ATRNL1: variants seen among roughly 807,000 people sequenced by gnomAD.
ATRNL1 encodes the protein attractin-like protein 1.
A neutral mutation model predicts 182.7 loss-of-function variants in ATRNL1; 95 were observed. That is an observed-to-expected ratio of 0.52 (90% CI 0.44 to 0.62). ATRNL1 has a LOEUF of 0.62. Ranked by LOEUF, ATRNL1 falls within the 20% of genes least tolerant of loss-of-function variation. The pLI is 0.00. For missense variants in ATRNL1, 1,471 were observed against 1,679.5 expected (o/e 0.88, Z 2.17); for synonymous variants, 576 against 568.3 (o/e 1.01, Z -0.19).
At chr10:115,146,973 C>A (rs1457424564) in intron 5 of ATRNL1, among the ~76,000 whole-genome samples, 1 of 151,984 alleles carries the variant, frequency 6.6e-6, no homozygotes, top group African/African-American at 2.4e-5. Flanking sequence ...GATTTTGTCT[C>A]CTTTGGATAA....
intron 21 of ATRNL1, among the ~76,000 whole-genome samples, chr10:115,441,009 C>T (rs1846648645): frequency 6.6e-6 from 1 of 151,682 alleles, no homozygotes; most frequent in South Asian, 2.1e-4. Context: ...TTTTTACCAC[C>T]ACAATCACCA....
chr10:115,241,554 T>A lies in ATRNL1; in HGVS notation c.1533-17T>A, dbSNP rs550990327. ...CATTTTATCCTTTGTAATACATTTTTAAATTTTATTCTGTAGGACTATTTT... is the reference window on the plus strand; with the variant it reads ...CATTTTATCCTTTGTAATACATTTTAAAATTTTATTCTGTAGGACTATTTT... On this transcript the variant is annotated splice_polypyrimidine_tract_variant and intron_variant, in intron 9 of 28. Coordinates refer to ENST00000355044, the MANE Select transcript of ATRNL1 (RefSeq NM_207303.4). The A allele has an allele frequency of 2.6e-6, 4 of 1,562,804 alleles. No homozygotes were observed. The highest frequency in any genetic ancestry group is 1.2e-5 in the South Asian group (1 of 85,586).
chr10:115,590,722 C>CA (rs1855848481), intron 26 of ATRNL1, among the ~76,000 whole-genome samples: 1 of 152,112 alleles, frequency 6.6e-6, no homozygotes, highest in Non-Finnish European at 1.5e-5. Context: ...TCTGGCTCCC[C>CA]ACTCACCACA....
intron 19 of ATRNL1, among the ~76,000 whole-genome samples, chr10:115,349,050 ATCTTAT>A (rs1856108436): frequency 6.6e-6 from 1 of 152,132 alleles, no homozygotes; most frequent in Non-Finnish European, 1.5e-5. Flanking sequence ...GGAACACTAG[ATCTTAT>A]TCTTTCTTTC....
At chr10:115,669,152 G>GTCT (rs1945612799) in intron 26 of ATRNL1, among the ~76,000 whole-genome samples, 2 of 152,010 alleles carry the variant, frequency 1.3e-5, no homozygotes, top group Non-Finnish European at 2.9e-5. Flanking sequence ...CAAATTTAAA[G>GTCT]TGGTCCACTA....
chr10:115,360,600 G>T (rs1327893696), intron 19 of ATRNL1, among the ~76,000 whole-genome samples: 1 of 127,800 alleles, frequency 7.8e-6, no homozygotes, highest in Admixed American at 7.8e-5. Context: ...GTTTTTTAAA[G>T]CAAAAAAAAA....
chr10:115,509,405 T>G (rs934702349), intron 24 of ATRNL1, among the ~76,000 whole-genome samples: 5 of 152,048 alleles, frequency 3.3e-5, no homozygotes, highest in South Asian at 2.1e-4. Context: ...GGGAGGTGAT[T>G]GGATCATGGG....
intron 24 of ATRNL1, among the ~76,000 whole-genome samples, chr10:115,493,606 T>C (rs536533903): frequency 2.5e-4 from 38 of 152,306 alleles, no homozygotes; most frequent in African/African-American, 8.4e-4. Flanking sequence ...GGTAGAACGA[T>C]TTATATTCCT....
chr10:115,551,681 A>G (rs1488193964), intron 26 of ATRNL1, among the ~76,000 whole-genome samples: 3 of 151,550 alleles, frequency 2.0e-5, no homozygotes, highest in African/African-American at 7.2e-5. Context: ...TAATTTTACT[A>G]AATTCCTTTA....
At chr10:115,801,382 G>T (rs1949788792) in intron 27 of ATRNL1, among the ~76,000 whole-genome samples, 2 of 152,188 alleles carry the variant, frequency 1.3e-5, no homozygotes, top group Admixed American at 6.5e-5. Context: ...AGAGAGTAAA[G>T]ATCAGTGAGA....
intron 28 of ATRNL1, among the ~76,000 whole-genome samples, chr10:115,866,286 T>C (rs896408003): frequency 4.6e-5 from 7 of 152,148 alleles, no homozygotes; most frequent in Non-Finnish European, 1.0e-4. Flanking sequence ...GGGCTCCTAA[T>C]GCAAATGTCA....
chr10:115,219,860 G>A (rs1481110284), intron 9 of ATRNL1, among the ~76,000 whole-genome samples: 1 of 152,058 alleles, frequency 6.6e-6, no homozygotes, highest in African/African-American at 2.4e-5. Flanking sequence ...CCGAGATCGT[G>A]CCACTGTCCT....
intron 19 of ATRNL1, among the ~76,000 whole-genome samples, chr10:115,335,932 A>G (rs782069654): frequency 2.0e-5 from 3 of 152,180 alleles, no homozygotes; most frequent in Non-Finnish European, 4.4e-5. Context: ...TTGGGTGACA[A>G]ATAAAGATAG....
chr10:115,219,235 A>G (rs1414464235), intron 9 of ATRNL1, among the ~76,000 whole-genome samples: 1 of 150,688 alleles, frequency 6.6e-6, no homozygotes, highest in Non-Finnish European at 1.5e-5. Flanking sequence ...CCATCTCAAA[A>G]AAAAAAAAAA....
intron 24 of ATRNL1, among the ~76,000 whole-genome samples, chr10:115,472,209 A>T (rs1438151924): frequency 6.6e-6 from 1 of 150,872 alleles, no homozygotes; most frequent in Non-Finnish European, 1.5e-5. Flanking sequence ...GTATTAGTGT[A>T]TTTTTATGCC....
At chr10:115,400,445 G>C (rs1458716431) in intron 20 of ATRNL1, among the ~76,000 whole-genome samples, 1 of 152,006 alleles carries the variant, frequency 6.6e-6, no homozygotes, top group Non-Finnish European at 1.5e-5. Context: ...AGTTCTGCCT[G>C]TATCTATGAG....
chr10:115,652,853 T>A (rs111856594), intron 26 of ATRNL1, among the ~76,000 whole-genome samples: 77 of 152,268 alleles, frequency 5.1e-4, no homozygotes, highest in African/African-American at 1.8e-3. Flanking sequence ...TTGTCATTTA[T>A]TATAGATGAA....
intron 26 of ATRNL1, among the ~76,000 whole-genome samples, chr10:115,619,238 G>A (rs1410200816): frequency 6.6e-6 from 1 of 152,186 alleles, no homozygotes; most frequent in East Asian, 1.9e-4. Context: ...TCTACTGAAG[G>A]GAGTGGGTTT....
At chr10:115,398,530 A>C (rs545697847) in intron 20 of ATRNL1, among the ~76,000 whole-genome samples, 18 of 152,108 alleles carry the variant, frequency 1.2e-4, no homozygotes, top group African/African-American at 4.1e-4. Flanking sequence ...ATTAGTGTAT[A>C]GGAATGCTAT....
Sources: allele counts gnomAD v4.1 joint callset (sites outside exome capture counted in the v4.1 genomes callset), GRCh38; gene constraint gnomAD v4.1.1; transcripts MANE v1.5; gene names NCBI Gene and HGNC (gene_info 2026-07-23, HGNC 2026-07-21).